Variants in USP12 observed in about 807,000 individuals in gnomAD.
USP12 encodes ubiquitin specific peptidase 12, also known as ubiquitin carboxyl-terminal hydrolase 12.
USP12 carries 19 observed loss-of-function variants against 45.5 expected under a neutral mutation model. The ratio of observed to expected loss-of-function variants is 0.42; its 90% CI spans 0.29 to 0.61. The LOEUF is 0.61. Among genes scored for constraint, USP12 ranks in the 20% least tolerant of loss-of-function variants. The pLI is 0.22. For missense variants in USP12, 242 were observed against 447.7 expected, an observed-to-expected ratio of 0.54 and a Z score of 4.15; for synonymous variants, 149 against 148.8, an observed-to-expected ratio of 1.00 and a Z score of -0.01.
intron 3 of USP12, among the ~76,000 whole-genome samples, chr13:27,100,978 A>C (rs2137781290): frequency 6.6e-6 from 1 of 152,360 alleles, no homozygotes; most frequent in South Asian, 2.1e-4. Flanking sequence ...CATGTTTTTC[A>C]AAATAATTAC....
intron 6 of USP12, among the ~76,000 whole-genome samples, chr13:27,078,620 G>A (rs1440269008): frequency 6.6e-6 from 1 of 151,404 alleles, no homozygotes; most frequent in Non-Finnish European, 1.5e-5. Context: ...CTATACTAAT[G>A]TCAGACAAAG....
intron 2 of USP12, among the ~76,000 whole-genome samples, chr13:27,106,281 G>A (rs985779737): frequency 6.6e-6 from 1 of 151,784 alleles, no homozygotes; most frequent in African/African-American, 2.4e-5. Flanking sequence ...TATTCATGAT[G>A]TATTGGAAAG....
chr13:27,105,666 G>A, intron 3 of USP12, 65 bp downstream of exon 3: 1 of 1,469,532 alleles, frequency 6.8e-7, no homozygotes, highest in Non-Finnish European at 9.4e-7. Context: ...AGTAAGTGCT[G>A]GAATTATGGC....
intron 1 of USP12, among the ~76,000 whole-genome samples, chr13:27,132,022 C>G (rs570188816): frequency 6.6e-6 from 1 of 152,270 alleles, no homozygotes; most frequent in East Asian, 1.9e-4. Flanking sequence ...TCTACTGGTT[C>G]TACATCTAAA....
chr13:27,166,198 AT>A (rs1298007742), intron 1 of USP12, among the ~76,000 whole-genome samples: 7 of 152,102 alleles, frequency 4.6e-5, no homozygotes, highest in African/African-American at 1.7e-4. Context: ...TCATTATACC[AT>A]GCTGTCAAAT....
At chr13:27,148,460 G>A (rs569626150) in intron 1 of USP12, among the ~76,000 whole-genome samples, 9 of 151,810 alleles carry the variant, frequency 5.9e-5, no homozygotes, top group African/African-American at 1.9e-4. Context: ...CAGATCACGA[G>A]GTCAGGAGTT....
At chr13:27,083,302 G>A (rs1873849697) in intron 6 of USP12, among the ~76,000 whole-genome samples, 1 of 152,182 alleles carries the variant, frequency 6.6e-6, no homozygotes, top group Admixed American at 6.5e-5. Flanking sequence ...GTGCACACAT[G>A]CTGTTGGAAA....
At chr13:27,077,754 TGCA>T (rs1873557178) in intron 6 of USP12, 1 of 152,180 alleles carries the variant, frequency 6.6e-6, no homozygotes, top group Non-Finnish European at 1.5e-5. Context: ...ATGTAGATTT[TGCA>T]GCAGAAGGAA....
intron 4 of USP12, among the ~76,000 whole-genome samples, chr13:27,093,532 C>A (rs1225738641): frequency 1.3e-5 from 2 of 152,144 alleles, no homozygotes; most frequent in Non-Finnish European, 1.5e-5. Flanking sequence ...CAAATGTCAG[C>A]AAGGATGTGG....
intron 1 of USP12, among the ~76,000 whole-genome samples, chr13:27,162,484 G>A (rs1238079092): frequency 6.6e-6 from 1 of 152,110 alleles, no homozygotes; most frequent in Non-Finnish European, 1.5e-5. Context: ...TTTCCATTTT[G>A]TGAAAATGGG....
At chr13:27,151,551 G>T (rs1364141516) in intron 1 of USP12, among the ~76,000 whole-genome samples, 1 of 151,904 alleles carries the variant, frequency 6.6e-6, no homozygotes, top group African/African-American at 2.4e-5. Context: ...GGAGGACTAG[G>T]CAAGAGGATC....
intron 1 of USP12, among the ~76,000 whole-genome samples, chr13:27,144,429 A>G (rs1377048381): frequency 1.3e-5 from 2 of 151,376 alleles, no homozygotes; most frequent in Admixed American, 6.6e-5. Flanking sequence ...CAGGAGGTCA[A>G]GACTGCAGTG....
intron 1 of USP12, among the ~76,000 whole-genome samples, chr13:27,170,758 T>A (rs1180881581): frequency 6.6e-6 from 1 of 152,214 alleles, no homozygotes; most frequent in Non-Finnish European, 1.5e-5. Flanking sequence ...TCCAGCCACA[T>A]ACAGATGTGT....
intron 4 of USP12, among the ~76,000 whole-genome samples, chr13:27,090,916 T>G (rs78864885): frequency 6.6e-6 from 1 of 152,202 alleles, no homozygotes. Context: ...ATACAAAGTA[T>G]GTATTTATGC....
At position 27,095,782 on chromosome 13, in the gene USP12, T is replaced by C; in HGVS notation, c.392A>G (p.Tyr131Cys). The C allele has an allele frequency of 6.2e-7, 1 of 1,611,766 alleles. No individual in the cohort carries two copies. Among genetic ancestry groups the C allele is most frequent in the Non-Finnish European group, 8.5e-7 (1 of 1,179,244 alleles). ...MQQDAHEFLN[Y>C]LLNTIADILQ... ...AATATCAGCAATTGTATTTAGTAGG[T>C]AATTTAAGAATTCATGGGCATCTTG... is the stretch of plus-strand genomic sequence containing the variant. Residue 131 changes from tyrosine to cysteine, a missense_variant, in exon 4 of 9, where the codon TAC (tyrosine) becomes TGC (cysteine). Physicochemically the swap from Tyr to Cys is radical, Grantham distance 194. Transcript: ENST00000282344.
intron 6 of USP12, among the ~76,000 whole-genome samples, chr13:27,084,643 C>T (rs1873928678): frequency 6.6e-6 from 1 of 152,008 alleles, no homozygotes; most frequent in Admixed American, 6.6e-5. Context: ...TTGCTAAAGA[C>T]ATTATCCTTT....
intron 4 of USP12, among the ~76,000 whole-genome samples, chr13:27,090,831 A>G (rs1874277071): frequency 6.6e-6 from 1 of 152,210 alleles, no homozygotes; most frequent in South Asian, 2.1e-4. Flanking sequence ...TTCCCATTTT[A>G]ATACATCAAA....
At chr13:27,091,039 G>A (rs777645187) in intron 4 of USP12, among the ~76,000 whole-genome samples, 21 of 152,054 alleles carry the variant, frequency 1.4e-4, no homozygotes, top group African/African-American at 2.7e-4. Flanking sequence ...CCATAGGACC[G>A]AAACCCCTTC....
chr13:27,100,822 C>T (rs1874830582), intron 3 of USP12, among the ~76,000 whole-genome samples: 1 of 152,148 alleles, frequency 6.6e-6, no homozygotes, highest in Admixed American at 6.5e-5. Context: ...TCAGGGAGAA[C>T]TAGTAAAAAG....
Sources: gnomAD v4.1 joint callset for allele counts (sites outside exome capture counted in the v4.1 genomes callset) on GRCh38, gnomAD v4.1.1 for gene constraint, MANE v1.5 for transcripts, NCBI Gene and HGNC (gene_info 2026-07-23, HGNC 2026-07-21) for gene names.